The following CSMD1 variants were observed in gnomAD, a reference collection of about 807,000 sequenced individuals.
The protein encoded by CSMD1 is CUB and sushi domain-containing protein 1.
CSMD1 carries 213 observed loss-of-function variants against 417.5 expected under a neutral mutation model. That is an observed-to-expected ratio of 0.51 (90% confidence interval 0.46 to 0.57). CSMD1 has a LOEUF of 0.57. Ranked by LOEUF, CSMD1 falls within the 20% of genes least tolerant of loss-of-function variation. The pLI is 0.00. For synonymous variants in CSMD1, 2,862 were observed against 1,736.8 expected (o/e 1.65, Z -16.11); for missense variants, 6,923 against 4,529.7 (o/e 1.53, Z -15.17).
At chr8:3,934,458 A>G (rs910977746) in intron 5 of CSMD1, among the ~76,000 whole-genome samples, 1 of 152,218 alleles carries the variant, frequency 6.6e-6, no homozygotes, top group Non-Finnish European at 1.5e-5. Flanking sequence ...TTTTCAAAGT[A>G]AATGAATGTC....
intron 5 of CSMD1, among the ~76,000 whole-genome samples, chr8:3,829,058 G>T (rs1009816415): frequency 6.6e-6 from 1 of 151,720 alleles, no homozygotes; most frequent in Non-Finnish European, 1.5e-5. Flanking sequence ...AAGTTACTGG[G>T]GTATAGGTGG....
chr8:4,592,279 T>C (rs984863443), intron 2 of CSMD1, among the ~76,000 whole-genome samples: 2 of 151,606 alleles, frequency 1.3e-5, no homozygotes, highest in African/African-American at 4.9e-5. Context: ...TATTACAGAA[T>C]AGTGAAAGTG....
chr8:4,208,090 TG>T (rs1439976597), intron 3 of CSMD1, among the ~76,000 whole-genome samples: 61 of 152,286 alleles, frequency 4.0e-4, no homozygotes, highest in Admixed American at 5.2e-4. Context: ...ATCTATTTAA[TG>T]CAATATCAGG....
In CSMD1 at chr8:3,181,099, G is replaced by T. The variant is rs778440696; in HGVS notation, c.5725+11C>A. ...ACAGTGGAAGCTGTATACAGAAAGA[G>T]TTGACCTTACTTTTGTATTCCAGGT... On this transcript the variant is annotated intron_variant, in intron 37 of 69. Transcript: ENST00000635120. 6.3e-7 allele frequency: 1 copy of T among 1,576,740 alleles called. No homozygotes were observed. Among genetic ancestry groups the T allele is most frequent in the Non-Finnish European group, 8.7e-7 (1 of 1,146,572 alleles).
chr8:4,315,831 T>G (rs1165363919), intron 3 of CSMD1, among the ~76,000 whole-genome samples: 1 of 152,172 alleles, frequency 6.6e-6, no homozygotes, highest in Admixed American at 6.5e-5. Flanking sequence ...CAGAAGCGTT[T>G]TCAAAAATTT....
At chr8:3,832,185 G>A (rs775223602) in intron 5 of CSMD1, among the ~76,000 whole-genome samples, 1 of 152,132 alleles carries the variant, frequency 6.6e-6, no homozygotes, top group African/African-American at 2.4e-5. Context: ...AGCCGTGGAG[G>A]CTGAGTCACG....
intron 12 of CSMD1, among the ~76,000 whole-genome samples, chr8:3,459,017 C>T (rs1049798442): frequency 2.6e-5 from 4 of 152,180 alleles, no homozygotes; most frequent in East Asian, 1.9e-4. Context: ...GTTTCCTACC[C>T]GCAAGGGTAG....
At chr8:3,527,510 G>A (rs934170858) in intron 10 of CSMD1, among the ~76,000 whole-genome samples, 1 of 152,140 alleles carries the variant, frequency 6.6e-6, no homozygotes, top group Non-Finnish European at 1.5e-5. Context: ...TCTGCCTGGT[G>A]AGGGAGCTGG....
intron 26 of CSMD1, among the ~76,000 whole-genome samples, chr8:3,275,559 G>C (rs930747290): frequency 2.6e-5 from 4 of 152,022 alleles, no homozygotes; most frequent in African/African-American, 9.7e-5. Context: ...GTCTCTTTCA[G>C]GTACGACAAT....
intron 2 of CSMD1, among the ~76,000 whole-genome samples, chr8:4,577,015 A>G (rs1387622374): frequency 6.6e-6 from 1 of 152,224 alleles, no homozygotes; most frequent in Admixed American, 6.5e-5. Flanking sequence ...GACAGATATT[A>G]GATCTTGAAT....
chr8:4,428,257 C>G (rs565308046), intron 2 of CSMD1, among the ~76,000 whole-genome samples: 9 of 152,308 alleles, frequency 5.9e-5, no homozygotes, highest in Non-Finnish European at 1.0e-4. Context: ...AGACTATCAA[C>G]TTGATACAAG....
At chr8:4,951,192 G>A (rs943156481) in intron 1 of CSMD1, among the ~76,000 whole-genome samples, 13 of 152,084 alleles carry the variant, frequency 8.5e-5, no homozygotes, top group Admixed American at 7.9e-4. Flanking sequence ...TTTCATGGTA[G>A]CCTGCAACAT....
intron 40 of CSMD1, among the ~76,000 whole-genome samples, chr8:3,146,349 A>C (rs1818844457): frequency 6.6e-6 from 1 of 152,124 alleles, no homozygotes; most frequent in South Asian, 2.1e-4. Context: ...AGAAAATGGC[A>C]CACAACTATC....
At chr8:4,086,571 A>T (rs1051400628) in intron 3 of CSMD1, among the ~76,000 whole-genome samples, 11 of 152,186 alleles carry the variant, frequency 7.2e-5, no homozygotes, top group Non-Finnish European at 1.2e-4. Context: ...AGTTACATCC[A>T]ATCTCCTCTA....
In CSMD1 at chr8:3,652,483, C is replaced by A. The variant is rs141992563; in HGVS notation, c.1010-35686G>T. ...GCTGCTAATAAAGACATACCTGAGA[C>A]TGGGTATTTTATAAAGGAAGCGGAT... On this transcript the variant is annotated intron_variant, in intron 7 of 69. Coordinates refer to ENST00000635120, the MANE Select transcript of CSMD1 (RefSeq NM_033225.6). Among the ~76,000 whole-genome samples, 568 of 152,326 alleles carry A rather than the reference C, an allele frequency of 3.7e-3. 5 individuals are homozygous for A. The highest frequency in any genetic ancestry group is 0.013 in the African/African-American group (526 of 41,578).
intron 5 of CSMD1, among the ~76,000 whole-genome samples, chr8:3,756,676 C>G (rs974206936): frequency 1.3e-5 from 2 of 152,206 alleles, no homozygotes; most frequent in African/African-American, 4.8e-5. Flanking sequence ...ATGTAGGAAG[C>G]TGCATGTACT....
At chr8:3,373,360 A>G (rs1362004152) in intron 18 of CSMD1, 1 of 152,284 alleles carries the variant, frequency 6.6e-6, no homozygotes, top group Non-Finnish European at 1.5e-5. Context: ...AAAGTCAGAC[A>G]GAAAGTTAGA....
chr8:4,127,399 G>A (rs1585373741), intron 3 of CSMD1, among the ~76,000 whole-genome samples: 1 of 124,832 alleles, frequency 8.0e-6, no homozygotes, highest in Middle Eastern at 4.7e-3. Flanking sequence ...CTCCAATCTG[G>A]AAAATCTAAA....
Position 3,408,119 on chromosome 8 carries a change from C to A in CSMD1, c.1851G>T (p.Glu617Asp), listed in dbSNP as rs761525211. The change falls in exon 14 of 70, where the codon GAG becomes GAT. Residue 617 changes from glutamate (E) to aspartate (D), a missense_variant. Physicochemically the swap from Glu to Asp is conservative, Grantham distance 45. Coordinates refer to ENST00000635120, the MANE Select transcript of CSMD1 (RefSeq NM_033225.6). The part of the protein sequence containing the change: ...NMNCVWLIIS[E>D]PGSRIHLIFN... ...AGATTAGGTGAATTCGACTTCCTGG[C>A]TCCGAGATAATCAACCAGACACAGT... The A allele has an allele frequency of 5.6e-6, 9 of 1,613,812 alleles. No individual in the cohort carries two copies. Among genetic ancestry groups the A allele is most frequent in the Non-Finnish European group, 7.6e-6 (9 of 1,179,790 alleles).
Sources: allele counts gnomAD v4.1 joint callset (sites outside exome capture counted in the v4.1 genomes callset), GRCh38; gene constraint gnomAD v4.1.1; transcripts MANE v1.5; gene names NCBI Gene and HGNC (gene_info 2026-07-23, HGNC 2026-07-21).